Variants in TECTB observed in about 807,000 individuals in gnomAD.
TECTB encodes the protein tectorin beta.
In TECTB, 45 loss-of-function variants were observed where a neutral mutation model predicts 43.3. That is an observed-to-expected ratio of 1.04 (90% CI 0.82 to 1.33). The LOEUF (loss-of-function observed/expected upper bound fraction) is 1.33. Ranked by LOEUF, TECTB falls within the 40% of genes most tolerant of loss-of-function variation. TECTB has a pLI of 0.00. For missense variants in TECTB, 399 were observed against 404.7 expected (o/e 0.99, Z 0.12); for synonymous variants, 169 against 156.7 (o/e 1.08, Z -0.59).
In TECTB at chr10:112,286,321, T is replaced by C; in HGVS notation, c.413T>C (p.Val138Ala). 3 of 1,611,862 alleles carry C rather than the reference T, an allele frequency of 1.9e-6. No individual in the cohort carries two copies. Among genetic ancestry groups the C allele is most frequent in the African/African-American group, 1.3e-5 (1 of 75,004 alleles). ...LVNQAAFDQRVATVHVKNGSM... is the reference protein window; with the variant it reads ...LVNQAAFDQRAATVHVKNGSM... ...GCAAAATTCTCTCCCCTTTTCAGAG[T>C]GGCCACTGTTCACGTGAAGAACGGG... Residue 138 changes from valine to alanine, a missense_variant and splice_region_variant, in exon 5 of 11, where the codon GTG becomes GCG. Val to Ala is a moderately conservative substitution (Grantham distance 64). Transcript: ENST00000646139.
intron 7 of TECTB, among the ~76,000 whole-genome samples, chr10:112,296,951 C>T (rs1414230043): frequency 5.9e-5 from 9 of 152,266 alleles, no homozygotes; most frequent in South Asian, 2.1e-4. Context: ...TCCTGCAGAG[C>T]GACAGACCCT....
At chr10:112,302,193 G>T in intron 10 of TECTB, 60 bp downstream of exon 10, 2 of 1,586,124 alleles carry the variant, frequency 1.3e-6, no homozygotes, top group Non-Finnish European at 1.7e-6. Flanking sequence ...GGCAGAGAGT[G>T]TTTTAAGAGA....
At chr10:112,293,660 CCCAATT>C in intron 5 of TECTB, 72 bp from the exon 6 acceptor site, 1 of 1,299,724 alleles carries the variant, frequency 7.7e-7, no homozygotes, top group Admixed American at 1.7e-5. Flanking sequence ...CCCACCCCAT[CCCAATT>C]CATCTGCTCC....
intron 5 of TECTB, among the ~76,000 whole-genome samples, chr10:112,289,340 A>T (rs1247051137): frequency 6.6e-6 from 1 of 152,188 alleles, no homozygotes; most frequent in Non-Finnish European, 1.5e-5. Context: ...GAAATGAAAA[A>T]GCTTAAGACG....
In TECTB at chr10:112,287,177, T is replaced by TC. The variant is rs571155981; in HGVS notation, c.483+788dup. 6.6e-5 allele frequency among the ~76,000 whole-genome samples: 10 copies of TC among 152,338 alleles called. No individual in the cohort carries two copies. The East Asian group carries it at 1.9e-3, about 29-fold the overall frequency. On this transcript the variant is annotated intron_variant, in intron 5 of 10. Transcript: ENST00000646139. ...CTAAAGAGAAGGATTGGGGTCGGCCTCCACTGCCTAATTCTTTGGTCTCTA... is the reference window on the plus strand; with the variant it reads ...CTAAAGAGAAGGATTGGGGTCGGCCTCCCACTGCCTAATTCTTTGGTCTCTA...
At chr10:112,303,220 G>A in intron 10 of TECTB, 43 bp from the exon 11 acceptor site, 1 of 1,612,442 alleles carries the variant, frequency 6.2e-7, no homozygotes, top group Non-Finnish European at 8.5e-7. Flanking sequence ...TACCCTTGTA[G>A]AACTGTCTCT....
intron 5 of TECTB, 56 bp from the exon 6 acceptor site, chr10:112,293,682 G>C: frequency 6.6e-7 from 1 of 1,510,002 alleles, no homozygotes. Context: ...GCTCCTGGTA[G>C]ACCTAGCTGC....
chr10:112,295,114 A>G (rs533861245), intron 7 of TECTB, among the ~76,000 whole-genome samples: 1 of 152,374 alleles, frequency 6.6e-6, no homozygotes, highest in South Asian at 2.1e-4. Flanking sequence ...TGTGGACATC[A>G]TACACATAAT....
Position 112,299,653 on chromosome 10 carries a change from T to C in TECTB, c.907+89T>C, listed in dbSNP as rs760086993. 4.4e-5 allele frequency: 64 copies of C among 1,458,768 alleles called. 1 individual carries two copies. The African/African-American group carries it at 7.4e-4, about 17-fold the overall frequency. 90.4% of individuals were successfully genotyped at this position (1,458,768 alleles called of 1,614,324 possible). ...GCACAGCCGGTTTGAGCATTTTTAC[T>C]GAATTGCCAAACCAGTCGTGCCTGT... On this transcript the variant is annotated intron_variant, in intron 9 of 10. Coordinates refer to ENST00000646139, the MANE Select transcript of TECTB (RefSeq NM_058222.3).
intron 5 of TECTB, among the ~76,000 whole-genome samples, chr10:112,290,737 C>T (rs1193009119): frequency 6.6e-6 from 1 of 152,168 alleles, no homozygotes; most frequent in Non-Finnish European, 1.5e-5. Context: ...CCACTTCAAC[C>T]TGCATTTTAA....
chr10:112,302,157 G>A lies in TECTB; in HGVS notation c.940+24G>A, dbSNP rs752466429. 9 of 1,613,668 alleles carry A rather than the reference G, an allele frequency of 5.6e-6. No individual in the cohort carries two copies. The East Asian group carries it at 2.0e-4, about 36-fold the overall frequency. On this transcript the variant is annotated intron_variant, in intron 10 of 10. Coordinates refer to ENST00000646139, the MANE Select transcript of TECTB (RefSeq NM_058222.3). The stretch of plus-strand genomic sequence containing the variant: ...AGGTAAGGAAAAGAGACACTTCTGG[G>A]ATTTCGTGGGGCTATGCTGTTAAAA...
At position 112,303,588 on chromosome 10, in the gene TECTB, G is replaced by A; in HGVS notation, c.*276G>A. The stretch of plus-strand genomic sequence containing the variant: ...CTTTCTCCATACTCAAGTCAGGGCT[G>A]CAGTAAATTCCTTTGAAAGCTATTT... On this transcript the variant is annotated 3_prime_UTR_variant, in exon 11 of 11. Coordinates refer to ENST00000646139, the MANE Select transcript of TECTB (RefSeq NM_058222.3). The A allele has an allele frequency of 2.2e-6, 1 of 464,482 alleles. No homozygotes were observed. The highest frequency in any genetic ancestry group is 3.4e-5 in the Admixed American group (1 of 29,182). The allele number at this position is 464,482 out of a possible 1,614,324, so 28.8% of individuals were successfully genotyped here. A position where few individuals can be genotyped will look rare whatever the true frequency, so the allele number is the denominator to read the frequency against.
At position 112,303,553 on chromosome 10, in the gene TECTB, G is replaced by A; in HGVS notation, c.*241G>A. 1.9e-6 allele frequency: 1 copy of A among 537,508 alleles called. No homozygotes were observed. Among genetic ancestry groups the A allele is most frequent in the South Asian group, 2.8e-5 (1 of 36,294 alleles). The allele number at this position is 537,508 out of a possible 1,614,324, so 33.3% of individuals were successfully genotyped here. ...TCTCACAGTCCTTCTACAGCTGGGG[G>A]AGGAGCCTCCTTTCTCCATACTCAA... On this transcript the variant is annotated 3_prime_UTR_variant, in exon 11 of 11. Transcript: ENST00000646139.
chr10:112,293,259 T>C (rs1848515190), intron 5 of TECTB, among the ~76,000 whole-genome samples: 1 of 152,102 alleles, frequency 6.6e-6, no homozygotes, highest in African/African-American at 2.4e-5. Context: ...GTGGTAGTGG[T>C]TGTTATTGTT....
At chr10:112,286,995 G>A (rs1848460574) in intron 5 of TECTB, among the ~76,000 whole-genome samples, 1 of 152,202 alleles carries the variant, frequency 6.6e-6, no homozygotes, top group Non-Finnish European at 1.5e-5. Flanking sequence ...TTTTACAGAT[G>A]AGAAAACTGA....
chr10:112,284,761 G>A (rs188645094), intron 3 of TECTB, 36 bp downstream of exon 3: 17 of 1,436,460 alleles, frequency 1.2e-5, no homozygotes, highest in South Asian at 1.6e-5. Flanking sequence ...GTTGTTTAAG[G>A]TAAGGCAACT....
chr10:112,294,446 C>A (rs1031103771), intron 7 of TECTB, among the ~76,000 whole-genome samples: 11 of 152,048 alleles, frequency 7.2e-5, no homozygotes, highest in African/African-American at 2.7e-4. Flanking sequence ...AGGCTGAATT[C>A]AAATCCAATT....
intron 5 of TECTB, among the ~76,000 whole-genome samples, chr10:112,292,684 TCTGC>T (rs1341100702): frequency 2.0e-5 from 3 of 152,164 alleles, no homozygotes; most frequent in Non-Finnish European, 4.4e-5. Context: ...CCTCAAGTGA[TCTGC>T]CTGCCTCAGC....
intron 5 of TECTB, among the ~76,000 whole-genome samples, chr10:112,291,310 G>A (rs1362881374): frequency 2.0e-5 from 3 of 152,028 alleles, no homozygotes; most frequent in East Asian, 1.9e-4. Flanking sequence ...CTTTGCAAAC[G>A]ACCAGAAAGA....
Sources: gnomAD v4.1 joint callset for allele counts (sites outside exome capture counted in the v4.1 genomes callset) on GRCh38, gnomAD v4.1.1 for gene constraint, MANE v1.5 for transcripts, NCBI Gene and HGNC (gene_info 2026-07-23, HGNC 2026-07-21) for gene names.